Variants in ADHFE1 observed in about 807,000 individuals in gnomAD.
ADHFE1 encodes the protein alcohol dehydrogenase iron containing 1.
In ADHFE1, 37 loss-of-function variants were observed where a neutral mutation model predicts 54.8. The observed-to-expected ratio is 0.68, with a 90% CI of 0.52 to 0.89. The LOEUF (loss-of-function observed/expected upper bound fraction) is 0.89, where lower values mean the gene tolerates loss of function less well. ADHFE1 is among the 40% of genes least tolerant of loss of function. The pLI is 0.00. For synonymous variants in ADHFE1, 203 were observed against 229.3 expected (o/e 0.89, Z 1.04); for missense variants, 601 against 591.2 (o/e 1.02, Z -0.17).
chr8:66,442,714 A>G (rs1563487839), intron 2 of ADHFE1, 84 bp from the exon 3 acceptor site: 11 of 1,194,376 alleles, frequency 9.2e-6, no homozygotes, highest in Non-Finnish European at 7.3e-6. Flanking sequence ...GGAAATACTT[A>G]TGTTCACTGC....
Position 66,439,706 on chromosome 8 carries a change from A to T in ADHFE1, c.60-456A>T. The T allele has an allele frequency of 1.0e-6, 1 of 988,570 alleles. No homozygotes were observed. The highest frequency in any genetic ancestry group is 4.7e-5 in the South Asian group (1 of 21,504). The allele number at this position is 988,570 out of a possible 1,614,324, so 61.2% of individuals were successfully genotyped here. ...TAGAGCCTGCCTGAAGAAAAATTAG[A>T]CATCTTGAAGACACTGGGAAATATA... On this transcript the variant is annotated intron_variant, in intron 1 of 13. Transcript: ENST00000396623. The surrounding 1 kb of genome is among the most constrained non-coding windows in gnomAD (Gnocchi z 4.4).
rs1478892719 is a variant in ADHFE1 at position 66,448,954 on chromosome 8, G to C, written c.718G>C (p.Gly240Arg). 6.2e-7 allele frequency: 1 copy of C among 1,614,032 alleles called. No individual in the cohort carries two copies. Among genetic ancestry groups the C allele is most frequent in the Admixed American group, 1.7e-5 (1 of 60,006 alleles). ...HMPARVVANS[G>R]FDVLCHALES... The stretch of plus-strand genomic sequence containing the variant: ...GCCTGCCCGAGTGGTCGCCAACAGT[G>C]GCTTTGATGTGCTTTGGTAAGTGCT... Residue 240 changes from glycine (G) to arginine (R), a missense_variant, in exon 8 of 14, where the codon GGC (glycine) becomes CGC (arginine). Coordinates refer to ENST00000396623, the MANE Select transcript of ADHFE1 (RefSeq NM_144650.3).
At chr8:66,432,740 G>A in intron 1 of ADHFE1, 165 bp downstream of exon 1, 1 of 1,231,946 alleles carries the variant, frequency 8.1e-7, no homozygotes, top group Middle Eastern at 2.7e-4. Flanking sequence ...GAACAGCGAG[G>A]TCACAGAGTG....
At chr8:66,438,646 A>G (rs1358748527) in intron 1 of ADHFE1, among the ~76,000 whole-genome samples, 2 of 152,136 alleles carry the variant, frequency 1.3e-5, no homozygotes, top group African/African-American at 4.8e-5. Context: ...CAGCAAATGT[A>G]GGTCGGGAGG....
intron 3 of ADHFE1, among the ~76,000 whole-genome samples, chr8:66,443,108 A>G (rs1805841951): frequency 6.6e-6 from 1 of 152,162 alleles, no homozygotes; most frequent in African/African-American, 2.4e-5. Context: ...ATTCTCCAGT[A>G]CATATATGTT....
intron 10 of ADHFE1, among the ~76,000 whole-genome samples, chr8:66,455,169 T>A (rs1400545689): frequency 6.6e-6 from 1 of 152,236 alleles, no homozygotes; most frequent in Non-Finnish European, 1.5e-5. Context: ...TGCTGGGTCA[T>A]ATGGTAATTC....
At chr8:66,435,448 C>T (rs1805410505) in intron 1 of ADHFE1, among the ~76,000 whole-genome samples, 1 of 152,070 alleles carries the variant, frequency 6.6e-6, no homozygotes. Flanking sequence ...CTTGTGGCCC[C>T]TTCCTCCATC....
intron 6 of ADHFE1, 70 bp downstream of exon 6, chr8:66,445,484 C>T: frequency 2.8e-6 from 4 of 1,431,194 alleles, no homozygotes; most frequent in South Asian, 1.4e-5. Flanking sequence ...AGATGCAAGC[C>T]AGTCCTTTTA....
chr8:66,447,927 T>C (rs2130403424), intron 7 of ADHFE1, among the ~76,000 whole-genome samples: 1 of 152,348 alleles, frequency 6.6e-6, no homozygotes. Context: ...TTTTGTATAA[T>C]AAAATGCACA....
At chr8:66,438,096 A>G (rs557913278) in intron 1 of ADHFE1, among the ~76,000 whole-genome samples, 1 of 152,358 alleles carries the variant, frequency 6.6e-6, no homozygotes, top group Non-Finnish European at 1.5e-5. Flanking sequence ...TGTGAGAGCC[A>G]TGGGGAGCCA....
At chr8:66,438,758 T>C (rs13259712) in intron 1 of ADHFE1, among the ~76,000 whole-genome samples, 5,924 of 150,996 alleles carry the variant, frequency 0.039, 220 homozygotes, top group East Asian at 0.16. Flanking sequence ...GGGGGAGGAC[T>C]AGGAAATACA....
intron 5 of ADHFE1, 33 bp from the exon 6 acceptor site, chr8:66,445,185 T>C: frequency 6.4e-7 from 1 of 1,553,218 alleles, no homozygotes; most frequent in Non-Finnish European, 8.7e-7. Flanking sequence ...CTGAAAAATA[T>C]AACATACTGG....
intron 12 of ADHFE1, 88 bp from the exon 13 acceptor site, chr8:66,460,220 C>T: frequency 6.6e-7 from 1 of 1,516,168 alleles, no homozygotes; most frequent in Non-Finnish European, 9.1e-7. Flanking sequence ...CGTGGGTGTG[C>T]ATGGTGTATT....
chr8:66,442,915 T>G, intron 3 of ADHFE1, 71 bp downstream of exon 3: 1 of 1,230,058 alleles, frequency 8.1e-7, no homozygotes, highest in Non-Finnish European at 1.1e-6. Context: ...ATTTTGCTAA[T>G]GAATTATTAT....
At chr8:66,448,136 T>C (rs1020257982) in intron 7 of ADHFE1, among the ~76,000 whole-genome samples, 2 of 152,226 alleles carry the variant, frequency 1.3e-5, no homozygotes, top group African/African-American at 2.4e-5. Context: ...GTCTTCTCTG[T>C]CTCAGACTCT....
intron 13 of ADHFE1, among the ~76,000 whole-genome samples, chr8:66,466,801 G>T (rs1390944600): frequency 3.3e-5 from 5 of 152,212 alleles, no homozygotes; most frequent in Non-Finnish European, 7.3e-5. Context: ...GGTGCATGAT[G>T]ATAGGCCAAT....
At chr8:66,434,879 T>C (rs1347750222) in intron 1 of ADHFE1, among the ~76,000 whole-genome samples, 1 of 151,860 alleles carries the variant, frequency 6.6e-6, no homozygotes, top group Non-Finnish European at 1.5e-5. Flanking sequence ...CTCAGGAGGC[T>C]GAGGCAGGAG....
At chr8:66,444,518 T>G in intron 4 of ADHFE1, 76 bp from the exon 5 acceptor site, 1 of 1,607,846 alleles carries the variant, frequency 6.2e-7, no homozygotes, top group Non-Finnish European at 8.5e-7. Flanking sequence ...TTTTTAAAAA[T>G]GTACAACGTG....
rs746174730 is a variant in ADHFE1 at position 66,442,820 on chromosome 8, G to A, written c.120G>A (p.Gly40=). The A allele has an allele frequency of 1.5e-5, 24 of 1,594,234 alleles. No homozygotes were observed. The Admixed American group carries it at 3.6e-4, about 24-fold the overall frequency. ...YSQAPGLSPS[G]KTTDYAFEMA... ...TAGCCCCTGGACTTTCACCTTCTGG[G>A]AAAACAACAGATTATGCCTTTGAGG... The change falls in exon 3 of 14, where the codon GGG becomes GGA. Residue 40 remains glycine (G), a synonymous_variant. Transcript: ENST00000396623.
Sources: gnomAD v4.1 joint callset for allele counts (sites outside exome capture counted in the v4.1 genomes callset) on GRCh38, gnomAD v4.1.1 for gene constraint, Gnocchi (gnomAD v3.1) non-coding constraint, MANE v1.5 for transcripts, NCBI Gene and HGNC (gene_info 2026-07-23, HGNC 2026-07-21) for gene names.